Variants in GALNT2 observed in about 807,000 individuals in gnomAD.
GALNT2 encodes UDP-GalNAc:polypeptide N-acetylgalactosaminyltransferase 2.
GALNT2 carries 31 observed loss-of-function variants against 81.4 expected under a neutral mutation model. The ratio of observed to expected loss-of-function variants is 0.38; its 90% CI spans 0.29 to 0.51. The LOEUF (loss-of-function observed/expected upper bound fraction) is 0.51, where lower values mean the gene tolerates loss of function less well. GALNT2 is among the 20% of genes least tolerant of loss of function. The pLI is 0.87. For synonymous variants in GALNT2, 303 were observed against 287.4 expected (o/e 1.05, Z -0.55); for missense variants, 629 against 765.7 (o/e 0.82, Z 2.11).
At chr1:230,253,446 G>A (rs569106804) in intron 10 of GALNT2, among the ~76,000 whole-genome samples, 1 of 152,312 alleles carries the variant, frequency 6.6e-6, no homozygotes, top group African/African-American at 2.4e-5. Context: ...TCAACTCACT[G>A]TATGGTCTGT....
intron 1 of GALNT2, among the ~76,000 whole-genome samples, chr1:230,161,115 A>G (rs1662417997): frequency 2.0e-5 from 3 of 152,178 alleles, no homozygotes; most frequent in African/African-American, 7.2e-5. Context: ...GGAATGATGT[A>G]TTATTTCTTA....
At chr1:230,075,839 T>C (rs892219101) in intron 1 of GALNT2, among the ~76,000 whole-genome samples, 1 of 152,152 alleles carries the variant, frequency 6.6e-6, no homozygotes, top group African/African-American at 2.4e-5. Flanking sequence ...CGTAGGCTCA[T>C]GGGGAAGGCA....
At chr1:230,266,962 G>A (rs1038340528) in intron 14 of GALNT2, among the ~76,000 whole-genome samples, 10 of 151,290 alleles carry the variant, frequency 6.6e-5, no homozygotes, top group African/African-American at 2.4e-4. Flanking sequence ...AGATATGAGT[G>A]TGCTTCCAGT....
At chr1:230,236,460 T>G in intron 5 of GALNT2, 40 bp downstream of exon 5, 6 of 1,594,338 alleles carry the variant, frequency 3.8e-6, no homozygotes, top group Non-Finnish European at 5.2e-6. Flanking sequence ...GTCTGGCTCT[T>G]CTCTGGGCAC....
chr1:230,175,414 C>T (rs1370785003), intron 1 of GALNT2, among the ~76,000 whole-genome samples: 4 of 152,138 alleles, frequency 2.6e-5, no homozygotes, highest in African/African-American at 9.7e-5. Flanking sequence ...GGCTTCCTCA[C>T]CTGTAAAATT....
At chr1:230,101,829 G>T (rs1295890009) in intron 1 of GALNT2, among the ~76,000 whole-genome samples, 1 of 152,150 alleles carries the variant, frequency 6.6e-6, no homozygotes, top group Non-Finnish European at 1.5e-5. Context: ...CTGGTAATTT[G>T]GAGCAATTGG....
chr1:230,277,153 T>C (rs1327396980), intron 15 of GALNT2, among the ~76,000 whole-genome samples: 2 of 152,114 alleles, frequency 1.3e-5, no homozygotes, highest in Non-Finnish European at 2.9e-5. Context: ...ATGTATGGCA[T>C]GTATAAATGG....
At chr1:230,074,026 A>G (rs963446824) in intron 1 of GALNT2, among the ~76,000 whole-genome samples, 1 of 152,034 alleles carries the variant, frequency 6.6e-6, no homozygotes, top group Non-Finnish European at 1.5e-5. Flanking sequence ...GGGCAGGGAC[A>G]AGGGTACTTT....
intron 1 of GALNT2, among the ~76,000 whole-genome samples, chr1:230,104,217 T>C (rs1660477141): frequency 6.6e-6 from 1 of 152,122 alleles, no homozygotes. Context: ...GGAGGTTGGC[T>C]CTGTCTTTAT....
intron 3 of GALNT2, among the ~76,000 whole-genome samples, chr1:230,235,077 G>T (rs1451869513): frequency 6.6e-6 from 1 of 151,984 alleles, no homozygotes; most frequent in Non-Finnish European, 1.5e-5. Flanking sequence ...ATAGCTGGAT[G>T]TGGTGGCACA....
chr1:230,087,098 A>G (rs750087159), intron 1 of GALNT2, among the ~76,000 whole-genome samples: 2 of 151,990 alleles, frequency 1.3e-5, no homozygotes, highest in African/African-American at 2.4e-5. Flanking sequence ...GGAGGGAGGT[A>G]TTTCACCTGG....
chr1:230,107,610 T>TTG (rs3033608), intron 1 of GALNT2, among the ~76,000 whole-genome samples: 6,451 of 141,148 alleles, frequency 0.046, 292 homozygotes, highest in African/African-American at 0.12. Context: ...CTCATGGACT[T>TTG]TGTGTGTGTG....
intron 1 of GALNT2, among the ~76,000 whole-genome samples, chr1:230,161,660 T>G (rs1456696856): frequency 6.6e-6 from 1 of 152,234 alleles, no homozygotes; most frequent in Non-Finnish European, 1.5e-5. Context: ...AGATTCTGAC[T>G]TGCTCTCTGA....
chr1:230,243,876 G>T lies in GALNT2; in HGVS notation c.729+449G>T, dbSNP rs1461329342. On this transcript the variant is annotated intron_variant, in intron 7 of 15. Transcript: ENST00000366672. The surrounding 1 kb of genome is among the most constrained non-coding windows in gnomAD (Gnocchi z 4.2). ...TCTCTGCTCTTAGTGAGTAGGGCAG[G>T]TTAGCCCAGCAGGCTTCCAGGCTCC... Among the ~76,000 whole-genome samples the T allele has an allele frequency of 6.6e-6, 1 of 152,176 alleles. No homozygotes were observed. The highest frequency in any genetic ancestry group is 1.5e-5 in the Non-Finnish European group (1 of 68,032).
intron 6 of GALNT2, among the ~76,000 whole-genome samples, chr1:230,240,524 G>A (rs1365243309): frequency 1.3e-5 from 2 of 152,176 alleles, no homozygotes; most frequent in Non-Finnish European, 2.9e-5. Flanking sequence ...CATGGGAGGC[G>A]GAGGTTGCAG....
At chr1:230,110,126 TG>T (rs1425315611) in intron 1 of GALNT2, among the ~76,000 whole-genome samples, 3 of 152,202 alleles carry the variant, frequency 2.0e-5, no homozygotes, top group Non-Finnish European at 4.4e-5. Flanking sequence ...GGAGCAGCTG[TG>T]GGGTGAAAGT....
chr1:230,278,025 G>A (rs79958306), intron 15 of GALNT2, among the ~76,000 whole-genome samples: 2 of 29,964 alleles, frequency 6.7e-5, no homozygotes, highest in Non-Finnish European at 1.0e-4. Context: ...TATTTGAAAC[G>A]AGCTTTGGGG....
chr1:230,118,157 T>G (rs1412544243), intron 1 of GALNT2, among the ~76,000 whole-genome samples: 2 of 152,256 alleles, frequency 1.3e-5, no homozygotes, highest in African/African-American at 4.8e-5. Flanking sequence ...CCATGTCTTT[T>G]CATGACTGGA....
chr1:230,209,734 A>T (rs6700433), intron 3 of GALNT2, among the ~76,000 whole-genome samples: 86,367 of 151,850 alleles, frequency 0.57, 27,237 homozygotes, highest in East Asian at 0.9. Flanking sequence ...TCCCAGCTAC[A>T]AGGGAGGCTG....
Sources: allele counts gnomAD v4.1 joint callset (sites outside exome capture counted in the v4.1 genomes callset), GRCh38; gene constraint gnomAD v4.1.1; non-coding constraint Gnocchi (gnomAD v3.1); transcripts MANE v1.5; gene names NCBI Gene and HGNC (gene_info 2026-07-23, HGNC 2026-07-21).